GRIA3: variants seen among roughly 807,000 people sequenced by gnomAD.
GRIA3 encodes the protein glutamate receptor 3.
A neutral mutation model predicts 63.0 loss-of-function variants in GRIA3; 3 were observed. The ratio of observed to expected loss-of-function variants is 0.05; its 90% confidence interval spans 0.02 to 0.12. The LOEUF (loss-of-function observed/expected upper bound fraction) is 0.12. Among genes scored for constraint, GRIA3 ranks in the 10% least tolerant of loss-of-function variants. The pLI is 1.00. For synonymous variants in GRIA3, 274 were observed against 257.9 expected (o/e 1.06, Z -0.60); for missense variants, 347 against 700.9 (o/e 0.50, Z 5.70).
intron 13 of GRIA3, among the ~76,000 whole-genome samples, chrX:123,470,276 T>C (rs1361438260): frequency 1.8e-5 from 2 of 111,817 alleles, no homozygotes; most frequent in Non-Finnish European, 3.8e-5. Context: ...AAGATGCTCA[T>C]TATGACTTAT....
intron 2 of GRIA3, among the ~76,000 whole-genome samples, chrX:123,203,058 C>T (rs181611635): frequency 1.1e-3 from 121 of 111,785 alleles, no homozygotes; most frequent in Non-Finnish European, 2.0e-3. Context: ...TTAAAGGAAA[C>T]GAGGCTGTTT....
At chrX:123,192,423 C>T (rs747698055) in intron 2 of GRIA3, among the ~76,000 whole-genome samples, 1 of 111,170 alleles carries the variant, frequency 9.0e-6, no homozygotes, top group Non-Finnish European at 1.9e-5. Flanking sequence ...AGGTAACATC[C>T]CTCTCACCGT....
chrX:123,276,357 T>C (rs977591403), intron 3 of GRIA3, among the ~76,000 whole-genome samples: 1 of 111,838 alleles, frequency 8.9e-6, no homozygotes, highest in Admixed American at 9.5e-5. Context: ...TAGGTGATGA[T>C]TTTGAGACTA....
At chrX:123,306,974 G>A (rs1273147263) in intron 3 of GRIA3, among the ~76,000 whole-genome samples, 1 of 111,822 alleles carries the variant, frequency 8.9e-6, no homozygotes, top group Admixed American at 9.5e-5. Flanking sequence ...CTTGCAGCCA[G>A]GGGAGGTTTG....
In GRIA3 at chrX:123,253,391, C is replaced by T. The variant is rs780534089; in HGVS notation, c.357C>T (p.Ala119=). 1 of 1,211,037 alleles carries T rather than the reference C, an allele frequency of 8.3e-7. No homozygotes were observed. The highest frequency in any genetic ancestry group is 3.0e-5 in the East Asian group (1 of 33,812). Residue 119 remains alanine (A), a synonymous_variant, in exon 3 of 16, where the codon GCC becomes GCT. Coordinates refer to ENST00000620443, the MANE Select transcript of GRIA3 (RefSeq NM_007325.5). The stretch of plus-strand genomic sequence containing the variant: ...ACACCCTGACCTCCTTCTGTGGGGC[C>T]CTGCACACATCCTTTGTTACGCCTA... ...SMNTLTSFCG[A]LHTSFVTPSF...
At chrX:123,388,818 T>G (rs1196712380) in intron 5 of GRIA3, among the ~76,000 whole-genome samples, 1 of 112,168 alleles carries the variant, frequency 8.9e-6, no homozygotes, top group Admixed American at 9.4e-5. Context: ...AGATTGTTTA[T>G]TTGACATCCT....
chrX:123,444,999 C>G (rs747344333), intron 12 of GRIA3, among the ~76,000 whole-genome samples: 1 of 111,278 alleles, frequency 9.0e-6, no homozygotes, highest in Non-Finnish European at 1.9e-5. Context: ...GTTTTCCAGC[C>G]CAGAGGGCAG....
rs186033311 is a variant in GRIA3 at position 123,339,825 on chromosome X, C to T, written c.696+13612C>T. ...GTAAAACCTGATACTAATAAGAATACGGGTTATACTGGCCAGAACACAACT... is the reference window on the plus strand; with the variant it reads ...GTAAAACCTGATACTAATAAGAATATGGGTTATACTGGCCAGAACACAACT... On this transcript the variant is annotated intron_variant, in intron 4 of 15. Transcript: ENST00000620443. Among the ~76,000 whole-genome samples the T allele has an allele frequency of 4.2e-4, 47 of 112,516 alleles. No homozygotes were observed. In the South Asian group the frequency reaches 0.014, roughly 34 times the overall value.
intron 14 of GRIA3, among the ~76,000 whole-genome samples, chrX:123,481,472 G>T (rs1324744802): frequency 1.8e-5 from 2 of 111,799 alleles, no homozygotes; most frequent in Admixed American, 1.9e-4. Context: ...ATGAAAATGG[G>T]ATAAGAAGGA....
At chrX:123,406,670 G>A (rs752450910) in intron 10 of GRIA3, among the ~76,000 whole-genome samples, 1 of 111,758 alleles carries the variant, frequency 8.9e-6, no homozygotes, top group Non-Finnish European at 1.9e-5. Flanking sequence ...CTACGGGCCT[G>A]GAGCCATCAT....
intron 2 of GRIA3, among the ~76,000 whole-genome samples, chrX:123,248,184 G>A (rs1160094308): frequency 8.9e-6 from 1 of 112,447 alleles, no homozygotes; most frequent in Non-Finnish European, 1.9e-5. Flanking sequence ...TTTTACAGAT[G>A]AAGAAACTCT....
chrX:123,360,313 A>G (rs1335969344), intron 5 of GRIA3, among the ~76,000 whole-genome samples: 1 of 110,188 alleles, frequency 9.1e-6, no homozygotes, highest in Non-Finnish European at 1.9e-5. Flanking sequence ...GCAAAGACAC[A>G]AATGTAAATA....
At chrX:123,431,685 G>A (rs2045619051) in intron 12 of GRIA3, among the ~76,000 whole-genome samples, 1 of 112,275 alleles carries the variant, frequency 8.9e-6, no homozygotes, top group South Asian at 3.7e-4. Flanking sequence ...ACAGATTCAT[G>A]TTAAAAGGTG....
intron 4 of GRIA3, among the ~76,000 whole-genome samples, chrX:123,326,686 A>T (rs898404990): frequency 1.8e-5 from 2 of 111,774 alleles, no homozygotes; most frequent in African/African-American, 6.5e-5. Context: ...ATGACTATGG[A>T]TAGACAGACT....
intron 4 of GRIA3, among the ~76,000 whole-genome samples, chrX:123,345,297 T>C (rs921725670): frequency 1.8e-5 from 2 of 110,842 alleles, no homozygotes; most frequent in African/African-American, 6.6e-5. Flanking sequence ...TCTTACTGAC[T>C]GCCAAATTAT....
intron 2 of GRIA3, among the ~76,000 whole-genome samples, chrX:123,209,611 T>TCA (rs1287456830): frequency 7.1e-5 from 8 of 112,296 alleles, no homozygotes; most frequent in African/African-American, 1.3e-4. Context: ...AGCTCCATGC[T>TCA]CATAATTTCA....
At chrX:123,243,251 A>AAAAAG (rs2044340145) in intron 2 of GRIA3, among the ~76,000 whole-genome samples, 1 of 112,402 alleles carries the variant, frequency 8.9e-6, no homozygotes, top group South Asian at 3.7e-4. Flanking sequence ...AAAGTCTTTT[A>AAAAAG]AAAATATAAA....
intron 5 of GRIA3, among the ~76,000 whole-genome samples, chrX:123,384,101 A>G (rs901958255): frequency 4.5e-5 from 5 of 111,874 alleles, no homozygotes; most frequent in Non-Finnish European, 7.5e-5. Flanking sequence ...TATCCAGTCT[A>G]TCATTGATGG....
intron 3 of GRIA3, among the ~76,000 whole-genome samples, chrX:123,275,568 T>C (rs1265940407): frequency 8.9e-6 from 1 of 112,468 alleles, no homozygotes; most frequent in East Asian, 2.8e-4. Context: ...TGCATGGATC[T>C]AGGGCAGAAG....
Sources: allele counts gnomAD v4.1 joint callset (sites outside exome capture counted in the v4.1 genomes callset), GRCh38; gene constraint gnomAD v4.1.1; transcripts MANE v1.5; gene names NCBI Gene and HGNC (gene_info 2026-07-23, HGNC 2026-07-21).